The following CDH17 variants were observed in gnomAD, a reference collection of about 807,000 sequenced individuals.
CDH17 encodes the protein cadherin 17.
In CDH17, 67 loss-of-function variants were observed where a neutral mutation model predicts 86.3. The observed-to-expected ratio is 0.78, with a 90% confidence interval of 0.64 to 0.95. The LOEUF (loss-of-function observed/expected upper bound fraction) is 0.95. Ranked by LOEUF, CDH17 falls within the 40% of genes least tolerant of loss-of-function variation. The pLI is 0.00. For synonymous variants in CDH17, 367 were observed against 366.4 expected (o/e 1.00, Z -0.02); for missense variants, 993 against 1,017.6 (o/e 0.98, Z 0.33).
chr8:94,169,289 A>G (rs1813223377), intron 9 of CDH17, among the ~76,000 whole-genome samples: 1 of 152,176 alleles, frequency 6.6e-6, no homozygotes, highest in Non-Finnish European at 1.5e-5. Flanking sequence ...AAGTCCTTCA[A>G]GCTGGCATTA....
chr8:94,203,555 G>A (rs926866163), intron 1 of CDH17, among the ~76,000 whole-genome samples: 3 of 152,170 alleles, frequency 2.0e-5, no homozygotes, highest in Admixed American at 6.5e-5. Flanking sequence ...ATTTTTCATC[G>A]ATTAATGTTC....
At chr8:94,137,666 C>T (rs370852601) in intron 15 of CDH17, among the ~76,000 whole-genome samples, 1 of 151,454 alleles carries the variant, frequency 6.6e-6, no homozygotes, top group East Asian at 1.9e-4. Flanking sequence ...AGCACAGAAA[C>T]GTGAAAAACA....
At chr8:94,157,301 A>ACAAAGC (rs889681081) in intron 12 of CDH17, among the ~76,000 whole-genome samples, 37 of 152,358 alleles carry the variant, frequency 2.4e-4, no homozygotes, top group African/African-American at 8.7e-4. Context: ...GACTTAGAAG[A>ACAAAGC]CAAAGCCATA....
chr8:94,153,679 T>C (rs557230115), intron 12 of CDH17, among the ~76,000 whole-genome samples: 103 of 152,076 alleles, frequency 6.8e-4, no homozygotes, highest in African/African-American at 2.4e-3. Flanking sequence ...CGCACACACA[T>C]ATATATATAC....
intron 15 of CDH17, among the ~76,000 whole-genome samples, chr8:94,133,669 C>T (rs1007652265): frequency 3.3e-5 from 5 of 152,132 alleles, no homozygotes; most frequent in African/African-American, 9.7e-5. Flanking sequence ...TGCCTGATTG[C>T]CCTGGCCAGA....
chr8:94,141,361 T>C (rs184592682), intron 15 of CDH17, among the ~76,000 whole-genome samples: 93 of 152,048 alleles, frequency 6.1e-4, no homozygotes, highest in African/African-American at 2.1e-3. Flanking sequence ...GCTAACATCA[T>C]ATTTAATGGT....
chr8:94,191,561 C>G lies in CDH17; in HGVS notation c.52-2276G>C, dbSNP rs1354013305. On this transcript the variant is annotated intron_variant, in intron 2 of 17. Coordinates refer to ENST00000027335, the MANE Select transcript of CDH17 (RefSeq NM_004063.4). ...CTGCCTCCCAGGTTCAAGCGATTCG[C>G]CTGCCTCAGCCTCCTGAATAGCTGG... Among the ~76,000 whole-genome samples the G allele has an allele frequency of 3.3e-5, 5 of 151,382 alleles. No individual in the cohort carries two copies. In the East Asian group the frequency reaches 9.8e-4, roughly 30 times the overall value.
intron 1 of CDH17, among the ~76,000 whole-genome samples, chr8:94,200,537 G>GTTTTTT (rs10600702): frequency 1.8e-5 from 1 of 56,914 alleles, no homozygotes; most frequent in East Asian, 6.1e-4. Flanking sequence ...ATTATCTTTT[G>GTTTTTT]TTTTTTTTTT....
chr8:94,199,037 TGA>T (rs1563589287), intron 1 of CDH17, among the ~76,000 whole-genome samples: 5 of 84,396 alleles, frequency 5.9e-5, no homozygotes, highest in East Asian at 4.0e-4. Context: ...CAGTTCTGAT[TGA>T]TATATATATA....
intron 3 of CDH17, among the ~76,000 whole-genome samples, 187 bp downstream of exon 3, chr8:94,189,000 T>C (rs1417375475): frequency 2.0e-5 from 3 of 152,208 alleles, no homozygotes; most frequent in Non-Finnish European, 2.9e-5. Flanking sequence ...CCAAATAGAA[T>C]GTCAGGTACA....
chr8:94,216,462 A>AC (rs1384150373), intron 1 of CDH17, among the ~76,000 whole-genome samples: 2 of 151,434 alleles, frequency 1.3e-5, no homozygotes, highest in Non-Finnish European at 2.9e-5. Flanking sequence ...CCGGCGGAGG[A>AC]CCCTCACTTC....
chr8:94,170,418 C>T lies in CDH17; in HGVS notation c.1045G>A (p.Val349Ile). 6.2e-7 allele frequency: 1 copy of T among 1,613,762 alleles called. No homozygotes were observed. The highest frequency in any genetic ancestry group is 8.5e-7 in the Non-Finnish European group (1 of 1,179,812). The part of the protein sequence containing the change: ...TCPSPVTVFE[V>I]QENERLGNSI... ...TTACCCAGTCGTTCATTCTCCTGGA[C>T]CTCAAATACGGTTACTGGTGACGGA... Residue 349 changes from valine (V) to isoleucine (I), a missense_variant, in exon 9 of 18, where the codon GTC (valine) becomes ATC (isoleucine). Coordinates refer to ENST00000027335, the MANE Select transcript of CDH17 (RefSeq NM_004063.4).
intron 2 of CDH17, 64 bp downstream of exon 2, chr8:94,194,571 G>T (rs56129387): frequency 0.44 from 470,089 of 1,073,216 alleles, 107,759 homozygotes; most frequent in Middle Eastern, 0.49. Flanking sequence ...TCCCTGGTGT[G>T]GGGTAGAAAG....
intron 11 of CDH17, among the ~76,000 whole-genome samples, chr8:94,161,606 C>A (rs1297250336): frequency 6.6e-6 from 1 of 152,186 alleles, no homozygotes; most frequent in African/African-American, 2.4e-5. Flanking sequence ...GTCTTGGGCA[C>A]ATTTTTCTTT....
In CDH17 at chr8:94,130,909, G is replaced by A. The variant is rs377593854; in HGVS notation, c.2251C>T (p.Arg751Trp). 52 of 1,609,672 alleles carry A rather than the reference G, an allele frequency of 3.2e-5. No individual in the cohort carries two copies. The highest frequency in any genetic ancestry group is 4.0e-5 in the African/African-American group (3 of 74,776). ...VVLIRINDGG[R>W]PPLEGIVSLP... ...GAAACAATGCCTTCCAAGGGTGGCC[G>A]ACCCCCATCATTGATGCGGATCAAG... The change falls in exon 16 of 18, where the codon CGG becomes TGG. Residue 751 changes from arginine to tryptophan, a missense_variant. Transcript: ENST00000027335.
intron 3 of CDH17, among the ~76,000 whole-genome samples, chr8:94,185,882 A>C (rs1813569278): frequency 6.6e-6 from 1 of 152,110 alleles, no homozygotes; most frequent in South Asian, 2.1e-4. Context: ...CACAGTCCCC[A>C]CTACTCCCTC....
intron 9 of CDH17, among the ~76,000 whole-genome samples, chr8:94,168,439 G>T (rs1813208744): frequency 1.3e-5 from 2 of 151,136 alleles, no homozygotes; most frequent in African/African-American, 4.9e-5. Flanking sequence ...CACTGCACCT[G>T]GCCTAATTCA....
intron 7 of CDH17, among the ~76,000 whole-genome samples, chr8:94,172,441 T>TA (rs960192812): frequency 4.0e-5 from 6 of 151,066 alleles, no homozygotes; most frequent in Non-Finnish European, 7.4e-5. Context: ...ATAGTAGCAT[T>TA]AAAAAAAAAT....
intron 3 of CDH17, among the ~76,000 whole-genome samples, chr8:94,179,573 G>C (rs902230906): frequency 6.6e-6 from 1 of 152,240 alleles, no homozygotes; most frequent in Non-Finnish European, 1.5e-5. Context: ...CTGACTTGGA[G>C]GCTCTGCATA....
Sources: gnomAD v4.1 joint callset for allele counts (sites outside exome capture counted in the v4.1 genomes callset) on GRCh38, gnomAD v4.1.1 for gene constraint, MANE v1.5 for transcripts, NCBI Gene and HGNC (gene_info 2026-07-23, HGNC 2026-07-21) for gene names.